ODAPH: variants seen among roughly 807,000 people sequenced by gnomAD.
ODAPH encodes the protein odontogenesis associated phosphoprotein.
ODAPH carries 2 observed loss-of-function variants against 2.8 expected under a neutral mutation model. That is an observed-to-expected ratio of 0.72 (90% CI 0.30 to 2.28). ODAPH has a LOEUF of 2.28. Ranked by LOEUF, ODAPH falls within the 30% of genes most tolerant of loss-of-function variation. The pLI is 0.13. For synonymous variants in ODAPH, 75 were observed against 60.3 expected, an observed-to-expected ratio of 1.24 and a Z score of -1.13; for missense variants, 159 against 163.3, an observed-to-expected ratio of 0.97 and a Z score of 0.14.
intron 1 of ODAPH, 41 bp downstream of exon 1, chr4:75,556,190 A>G: frequency 6.3e-7 from 1 of 1,587,398 alleles, no homozygotes; most frequent in Non-Finnish European, 8.7e-7. Context: ...TCCACTAATT[A>G]ATAAGTTGTA....
intron 1 of ODAPH, 27 bp downstream of exon 1, chr4:75,556,176 T>C: frequency 6.2e-7 from 1 of 1,604,392 alleles, no homozygotes; most frequent in African/African-American, 1.3e-5. Flanking sequence ...TATTCTACTG[T>C]GGGTCCACTA....
intron 1 of ODAPH, among the ~76,000 whole-genome samples, chr4:75,561,542 G>T (rs541645943): frequency 1.3e-5 from 2 of 151,948 alleles, no homozygotes; most frequent in Admixed American, 6.5e-5. Flanking sequence ...AATAGCTAGG[G>T]CTCCCTGAAA....
chr4:75,564,057 C>A, intron 1 of ODAPH, 57 bp from the exon 2 acceptor site: 1 of 1,516,148 alleles, frequency 6.6e-7, no homozygotes, highest in South Asian at 1.1e-5. Flanking sequence ...CACTCTAAAC[C>A]ACTCTTCTGC....
At chr4:75,556,466 CT>C in intron 1 of ODAPH, 2 of 1,297,790 alleles carry the variant, frequency 1.5e-6, no homozygotes, top group East Asian at 5.0e-5. Context: ...CTGTGAAAAA[CT>C]CTTCAAGCTA....
At chr4:75,557,843 C>T (rs1727400655) in intron 1 of ODAPH, among the ~76,000 whole-genome samples, 1 of 152,174 alleles carries the variant, frequency 6.6e-6, no homozygotes. Flanking sequence ...CTCACTGATG[C>T]ACGGCAGCAA....
chr4:75,564,021 C>T (rs1727704166), intron 1 of ODAPH, 93 bp from the exon 2 acceptor site: 2 of 1,106,828 alleles, frequency 1.8e-6, no homozygotes, highest in Non-Finnish European at 2.7e-6. Flanking sequence ...CTCTAATTCT[C>T]TCTTCCCATC....
intron 1 of ODAPH, among the ~76,000 whole-genome samples, chr4:75,562,330 T>C (rs1578296478): frequency 6.6e-6 from 1 of 150,524 alleles, no homozygotes; most frequent in Non-Finnish European, 1.5e-5. Flanking sequence ...CAACTTCCTG[T>C]GGGAAGTTCT....
intron 1 of ODAPH, chr4:75,556,634 C>A: frequency 7.0e-7 from 1 of 1,433,208 alleles, no homozygotes; most frequent in Non-Finnish European, 9.5e-7. Flanking sequence ...ATCTATTGAG[C>A]TGCATTTTGG....
intron 1 of ODAPH, among the ~76,000 whole-genome samples, chr4:75,563,779 A>G (rs1034663912): frequency 6.6e-6 from 1 of 152,176 alleles, no homozygotes; most frequent in Admixed American, 6.5e-5. Context: ...ATTTCATTGT[A>G]TGAATATACA....
downstream of ODAPH, chr4:75,564,955 T>C: frequency 5.6e-6 from 1 of 177,482 alleles, no homozygotes; most frequent in South Asian, 1.1e-4. Context: ...TAGCTAATAC[T>C]TTAAAGATAT....
At chr4:75,561,617 C>T (rs913398012) in intron 1 of ODAPH, among the ~76,000 whole-genome samples, 24 of 152,148 alleles carry the variant, frequency 1.6e-4, no homozygotes. Flanking sequence ...AGGCCCAAGG[C>T]AAGTGGATCA....
At chr4:75,563,996 T>C in intron 1 of ODAPH, 118 bp from the exon 2 acceptor site, 4 of 891,222 alleles carry the variant, frequency 4.5e-6, no homozygotes, top group East Asian at 2.5e-5. Context: ...TTCTTTCAAA[T>C]ATACATTGAG....
chr4:75,564,747 A>G lies in ODAPH; in HGVS notation c.*308A>G. On this transcript the variant is annotated 3_prime_UTR_variant, in exon 2 of 2. Transcript: ENST00000311623. ...TCTAGTAATTCCTATCCATACTAAGATGCTGAGAGAATCCATCTCCTCCTC... is the reference window on the plus strand; with the variant it reads ...TCTAGTAATTCCTATCCATACTAAGGTGCTGAGAGAATCCATCTCCTCCTC... The G allele has an allele frequency of 1.8e-6, 1 of 546,834 alleles. No homozygotes were observed. The highest frequency in any genetic ancestry group is 2.1e-5 in the South Asian group (1 of 46,854). The allele number at this position is 546,834 out of a possible 1,614,324, so 33.9% of individuals were successfully genotyped here.
rs1209533946 is a variant in ODAPH, at chr4:75,564,127, A to G, written c.81A>G (p.Val27=). ...VVTVAEGQEE[V]FTPPGDSQNN... Reference sequence around the variant, plus strand: ...TCCTCTCCACAGGACAAGAAGAGGTATTTACGCCTCCTGGAGATTCACAAA... The same window carrying G: ...TCCTCTCCACAGGACAAGAAGAGGTGTTTACGCCTCCTGGAGATTCACAAA... Residue 27 remains valine (V), a synonymous_variant, in exon 2 of 2, where the codon GTA becomes GTG. Transcript: ENST00000311623. The G allele has an allele frequency of 3.1e-6, 5 of 1,614,206 alleles. No homozygotes were observed. In the East Asian group the frequency reaches 1.1e-4, roughly 36 times the overall value.
chr4:75,565,878 GA>G (rs911016085), downstream of ODAPH: 5 of 151,898 alleles, frequency 3.3e-5, no homozygotes, highest in South Asian at 2.1e-4. Flanking sequence ...GATCAAAAAA[GA>G]AAAAAACTAT....
At chr4:75,562,408 C>G (rs34232306) in intron 1 of ODAPH, among the ~76,000 whole-genome samples, 2 of 150,094 alleles carry the variant, frequency 1.3e-5, no homozygotes, top group Non-Finnish European at 3.0e-5. Flanking sequence ...GGCGCAATCT[C>G]GGCTCACCGC....
At chr4:75,556,710 C>T (rs1390869512) in intron 1 of ODAPH, 3 of 722,478 alleles carry the variant, frequency 4.2e-6, no homozygotes, top group Non-Finnish European at 7.0e-6. Context: ...TCAACTGTTC[C>T]TATTCTCTTT....
At chr4:75,565,682 A>C (rs1001696777), downstream of ODAPH, 1 of 152,242 alleles carries the variant, frequency 6.6e-6, no homozygotes, top group South Asian at 2.1e-4. Flanking sequence ...AGTTCTGCAT[A>C]TGTGGTCAGT....
At chr4:75,562,276 A>G (rs557474655) in intron 1 of ODAPH, among the ~76,000 whole-genome samples, 2 of 152,266 alleles carry the variant, frequency 1.3e-5, no homozygotes, top group Admixed American at 1.3e-4. Flanking sequence ...CAACTGTCCC[A>G]AATGAGAGGG....
Sources: gnomAD v4.1 joint callset for allele counts (sites outside exome capture counted in the v4.1 genomes callset) on GRCh38, gnomAD v4.1.1 for gene constraint, MANE v1.5 for transcripts, NCBI Gene and HGNC (gene_info 2026-07-23, HGNC 2026-07-21) for gene names.